The following BCKDHB variants were observed in gnomAD, a reference collection of about 807,000 sequenced individuals.
BCKDHB encodes the protein branched chain keto acid dehydrogenase E1 subunit beta.
Under a neutral mutation model 48.5 loss-of-function variants are expected in BCKDHB, and 41 were observed. The observed-to-expected ratio is 0.85, with a 90% CI of 0.66 to 1.10. BCKDHB has a LOEUF of 1.10. Ranked by LOEUF, BCKDHB falls within the 50% of genes least tolerant of loss-of-function variation. The pLI, the probability that BCKDHB is intolerant of heterozygous loss-of-function variation, is 0.00. For missense variants in BCKDHB, 496 were observed against 494.2 expected (o/e 1.00, Z -0.03); for synonymous variants, 201 against 174.8 (o/e 1.15, Z -1.18).
intron 6 of BCKDHB, among the ~76,000 whole-genome samples, chr6:80,192,728 AGACAGG>A (rs1773953732): frequency 6.6e-6 from 1 of 152,186 alleles, no homozygotes; most frequent in Non-Finnish European, 1.5e-5. Context: ...ACATTAAATG[AGACAGG>A]GAAATGTAAT....
At chr6:80,332,200 T>C (rs1245682415) in intron 9 of BCKDHB, among the ~76,000 whole-genome samples, 2 of 152,064 alleles carry the variant, frequency 1.3e-5, no homozygotes, top group Non-Finnish European at 2.9e-5. Context: ...CACAGCTCTT[T>C]AATAAACACC....
At chr6:80,384,351 T>C in the BCKDHB span, among the ~76,000 whole-genome samples, 73 of 5,352 alleles carry the variant, frequency 0.014, no homozygotes, top group South Asian at 0.059. Flanking sequence ...TCTTCTTCTT[T>C]TTTTTTTTTT....
At chr6:80,186,036 C>A (rs1434862872) in intron 6 of BCKDHB, among the ~76,000 whole-genome samples, 1 of 152,154 alleles carries the variant, frequency 6.6e-6, no homozygotes, top group Non-Finnish European at 1.5e-5. Context: ...TGGTTGGCCT[C>A]TACCCAGGAG....
chr6:80,260,914 A>G (rs1173357368), intron 8 of BCKDHB, among the ~76,000 whole-genome samples: 2 of 152,216 alleles, frequency 1.3e-5, no homozygotes, highest in Admixed American at 6.5e-5. Flanking sequence ...TCCTTAAAGT[A>G]TAGGTTGCAA....
chr6:80,417,746 C>T, the BCKDHB span, among the ~76,000 whole-genome samples: 1 of 151,322 alleles, frequency 6.6e-6, no homozygotes, highest in African/African-American at 2.5e-5. Context: ...CCTGACATTT[C>T]TCTCTAGTTG....
intron 1 of BCKDHB, among the ~76,000 whole-genome samples, chr6:80,125,084 G>C (rs772128606): frequency 6.6e-6 from 1 of 152,138 alleles, no homozygotes; most frequent in Non-Finnish European, 1.5e-5. Context: ...CTTTTGTTTA[G>C]TATAGCCACC....
intron 3 of BCKDHB, among the ~76,000 whole-genome samples, chr6:80,158,649 A>G (rs1772169984): frequency 1.3e-5 from 2 of 152,124 alleles, no homozygotes; most frequent in Admixed American, 1.3e-4. Context: ...TTTGCCAACT[A>G]GTTGTCCCTA....
At chr6:80,304,197 C>T (rs1252734834) in intron 9 of BCKDHB, among the ~76,000 whole-genome samples, 1 of 152,092 alleles carries the variant, frequency 6.6e-6, no homozygotes, top group Non-Finnish European at 1.5e-5. Flanking sequence ...GTACATTCTT[C>T]AGTTGGAAGA....
intron 9 of BCKDHB, among the ~76,000 whole-genome samples, chr6:80,298,926 C>T (rs1767406381): frequency 6.6e-6 from 1 of 152,150 alleles, no homozygotes; most frequent in South Asian, 2.1e-4. Flanking sequence ...AGAAAAAGCG[C>T]CCCATGTCCT....
intron 8 of BCKDHB, among the ~76,000 whole-genome samples, chr6:80,251,020 G>A (rs79391558): frequency 0.057 from 8,649 of 152,096 alleles, 820 homozygotes; most frequent in African/African-American, 0.2. Flanking sequence ...TGGTTGTCCC[G>A]GGAGATTAGG....
chr6:80,131,706 G>A (rs1275684617), intron 3 of BCKDHB, among the ~76,000 whole-genome samples: 3 of 151,556 alleles, frequency 2.0e-5, no homozygotes, highest in South Asian at 4.2e-4. Context: ...GCAGTGGTGC[G>A]ATCTTGGCTC....
intron 9 of BCKDHB, among the ~76,000 whole-genome samples, chr6:80,326,261 T>C (rs1769026713): frequency 6.6e-6 from 1 of 152,186 alleles, no homozygotes; most frequent in Non-Finnish European, 1.5e-5. Context: ...ATAAGCTTAC[T>C]ATAGCAGAGC....
chr6:80,364,597 ACT>A, the BCKDHB span, among the ~76,000 whole-genome samples: 3 of 152,080 alleles, frequency 2.0e-5, no homozygotes, highest in South Asian at 6.2e-4. Context: ...TTTCTTCGAG[ACT>A]CTTTGTTGTA....
intron 3 of BCKDHB, among the ~76,000 whole-genome samples, chr6:80,155,025 C>T (rs1025651801): frequency 1.3e-4 from 20 of 152,118 alleles, no homozygotes; most frequent in African/African-American, 4.8e-4. Flanking sequence ...GTTAACAGTG[C>T]TATCTTGATA....
At chr6:80,308,671 T>A (rs7770189) in intron 9 of BCKDHB, among the ~76,000 whole-genome samples, 1 of 150,644 alleles carries the variant, frequency 6.6e-6, no homozygotes, top group Admixed American at 6.6e-5. Context: ...CCCGGCTCAC[T>A]GCAAGCTCCG....
intron 3 of BCKDHB, among the ~76,000 whole-genome samples, chr6:80,162,763 A>G (rs747728207): frequency 3.9e-5 from 6 of 152,072 alleles, no homozygotes; most frequent in Non-Finnish European, 7.4e-5. Flanking sequence ...AGGAAGGAGA[A>G]TCACTTGAAC....
chr6:80,440,557 C>A, the BCKDHB span, among the ~76,000 whole-genome samples: 1 of 152,000 alleles, frequency 6.6e-6, no homozygotes, highest in Non-Finnish European at 1.5e-5. Flanking sequence ...CTCATAAACA[C>A]CCCACATGCC....
chr6:80,241,176 C>T (rs903961813), intron 8 of BCKDHB, among the ~76,000 whole-genome samples: 3 of 152,100 alleles, frequency 2.0e-5, no homozygotes, highest in African/African-American at 7.2e-5. Flanking sequence ...GTTTTAGCTT[C>T]CTTGCGATGG....
chr6:80,314,061 C>A (rs747287342), intron 9 of BCKDHB, among the ~76,000 whole-genome samples: 10 of 152,072 alleles, frequency 6.6e-5, no homozygotes, highest in Non-Finnish European at 1.3e-4. Context: ...GTTCAATTTC[C>A]ATTTAGTTGT....
Sources: allele counts gnomAD v4.1 joint callset (sites outside exome capture counted in the v4.1 genomes callset), GRCh38; gene constraint gnomAD v4.1.1; transcripts MANE v1.5; gene names NCBI Gene and HGNC (gene_info 2026-07-23, HGNC 2026-07-21).